Variants in TYW1B observed in about 807,000 individuals in gnomAD.
TYW1B encodes the protein tRNA-yW synthesizing protein 1 homolog B.
In TYW1B, 73 loss-of-function variants were observed where a neutral mutation model predicts 86.9. That is an observed-to-expected ratio of 0.84 (90% CI 0.70 to 1.02). The LOEUF is 1.02. Ranked by LOEUF, TYW1B falls within the 50% of genes least tolerant of loss-of-function variation. TYW1B has a pLI of 0.00. For missense variants in TYW1B, 637 were observed against 827.4 expected, an observed-to-expected ratio of 0.77 and a Z score of 2.82; for synonymous variants, 248 against 292.8, an observed-to-expected ratio of 0.85 and a Z score of 1.56.
intron 8 of TYW1B, among the ~76,000 whole-genome samples, chr7:72,732,340 T>C (rs1284026489): frequency 1.3e-5 from 2 of 152,182 alleles, no homozygotes; most frequent in African/African-American, 4.8e-5. Flanking sequence ...AATCTTCTTA[T>C]CCATACATAA....
chr7:72,619,647 CAAAAAAAAAA>C (rs34309451), intron 12 of TYW1B, among the ~76,000 whole-genome samples: 1 of 68,780 alleles, frequency 1.5e-5, no homozygotes, highest in East Asian at 3.0e-4. Flanking sequence ...GACTCCGTCT[CAAAAAAAAAA>C]AAAAAAAAAG....
chr7:72,818,825 T>C (rs1195391247), intron 2 of TYW1B, among the ~76,000 whole-genome samples: 3 of 151,878 alleles, frequency 2.0e-5, no homozygotes, highest in African/African-American at 7.3e-5. Context: ...CCAGATCTCA[T>C]GAGAACTCAC....
intron 11 of TYW1B, among the ~76,000 whole-genome samples, chr7:72,689,560 G>A (rs1353485269): frequency 6.6e-6 from 1 of 152,062 alleles, no homozygotes; most frequent in Non-Finnish European, 1.5e-5. Flanking sequence ...CCCTACTACT[G>A]GCCAACAAGC....
chr7:72,767,637 A>T (rs1299180220), intron 7 of TYW1B, among the ~76,000 whole-genome samples: 3 of 152,046 alleles, frequency 2.0e-5, no homozygotes, highest in African/African-American at 7.2e-5. Flanking sequence ...ATAAAAAAAT[A>T]AAAAAAACTT....
intron 6 of TYW1B, among the ~76,000 whole-genome samples, chr7:72,789,549 C>G (rs1231439844): frequency 6.6e-6 from 1 of 152,034 alleles, no homozygotes; most frequent in African/African-American, 2.4e-5. Flanking sequence ...AAGTAAGTAA[C>G]AAAATGCTAA....
chr7:72,597,468 A>T (rs1811563838), intron 13 of TYW1B, among the ~76,000 whole-genome samples: 1 of 152,208 alleles, frequency 6.6e-6, no homozygotes, highest in Admixed American at 6.5e-5. Context: ...CAATAAAAAT[A>T]AAAAGCATTC....
intron 11 of TYW1B, among the ~76,000 whole-genome samples, chr7:72,660,624 C>G (rs549471986): frequency 1.3e-5 from 2 of 152,244 alleles, no homozygotes; most frequent in Admixed American, 1.3e-4. Context: ...ATATATTCCT[C>G]TATGTATTTT....
intron 7 of TYW1B, among the ~76,000 whole-genome samples, chr7:72,766,627 A>C (rs1787775087): frequency 6.9e-6 from 1 of 144,556 alleles, no homozygotes; most frequent in African/African-American, 2.6e-5. Context: ...AAAAAAAAAA[A>C]AAAAAACATA....
chr7:72,698,178 G>A (rs1554451827), intron 10 of TYW1B, among the ~76,000 whole-genome samples: 1 of 152,160 alleles, frequency 6.6e-6, no homozygotes. Flanking sequence ...AAGAGAAGGA[G>A]AGAATTATTT....
chr7:72,689,278 G>A (rs1814082672), intron 11 of TYW1B, among the ~76,000 whole-genome samples: 1 of 152,106 alleles, frequency 6.6e-6, no homozygotes, highest in Non-Finnish European at 1.5e-5. Flanking sequence ...ATATTTCATC[G>A]ACTACAAGAA....
At chr7:72,600,650 G>A (rs2129568043) in intron 13 of TYW1B, among the ~76,000 whole-genome samples, 1 of 152,180 alleles carries the variant, frequency 6.6e-6, no homozygotes, top group Non-Finnish European at 1.5e-5. Context: ...CTTAAACTCG[G>A]CCATAAGAAA....
rs2960959 is a variant in TYW1B, at chr7:72,693,224, A to G, written c.1506+1463T>C. ...ATTAATGGAAAAGCAGAACCAGATG[A>G]TTACTTTAGGTGAAAAAGAAAAGGA... On this transcript the variant is annotated intron_variant, in intron 11 of 13. Coordinates refer to ENST00000620995, the MANE Select transcript of TYW1B (RefSeq NM_001145440.3). Among the ~76,000 whole-genome samples the G allele has an allele frequency of 4.7e-4, 72 of 152,130 alleles. 1 individual carries two copies. Among genetic ancestry groups the G allele is most frequent in the Non-Finnish European group, 7.4e-4 (50 of 67,998 alleles).
At chr7:72,724,196 G>C (rs1275459577) in intron 9 of TYW1B, among the ~76,000 whole-genome samples, 1 of 152,154 alleles carries the variant, frequency 6.6e-6, no homozygotes, top group Non-Finnish European at 1.5e-5. Flanking sequence ...TGAGAGCCAG[G>C]CACAGTGGCT....
At chr7:72,766,365 C>T (rs1787769092) in intron 7 of TYW1B, among the ~76,000 whole-genome samples, 2 of 151,904 alleles carry the variant, frequency 1.3e-5, no homozygotes, top group Non-Finnish European at 2.9e-5. Flanking sequence ...CCTATAATCC[C>T]ACCTTTGGGA....
At chr7:72,645,037 C>T (rs782646617) in intron 11 of TYW1B, among the ~76,000 whole-genome samples, 19 of 152,214 alleles carry the variant, frequency 1.2e-4, no homozygotes, top group Non-Finnish European at 2.4e-4. Flanking sequence ...CCGTGTTAGC[C>T]AGGATGGTCT....
chr7:72,730,451 G>A (rs1200290520), intron 8 of TYW1B, among the ~76,000 whole-genome samples: 1 of 145,014 alleles, frequency 6.9e-6, no homozygotes, highest in Middle Eastern at 3.4e-3. Flanking sequence ...ACAACTGAGA[G>A]TTTCAACAAC....
At position 72,632,335 on chromosome 7, in the gene TYW1B, AC is replaced by A. The variant is rs1563038513; in HGVS notation, c.1507-3339del. On this transcript the variant is annotated intron_variant, in intron 11 of 13. Coordinates refer to ENST00000620995, the MANE Select transcript of TYW1B (RefSeq NM_001145440.3). ...TATTATATATATTATATATATATAC[AC>A]GTATATATATTATATATATTATATA... Among the ~76,000 whole-genome samples the A allele has an allele frequency of 1.8e-3, 139 of 78,850 alleles. 7 individuals carry two copies. Among genetic ancestry groups the A allele is most frequent in the African/African-American group, 9.6e-3 (133 of 13,880 alleles). The allele number at this position is 78,850 out of a possible 152,430, so 51.7% of individuals were successfully genotyped here.
At chr7:72,645,545 C>T (rs1229836640) in intron 11 of TYW1B, among the ~76,000 whole-genome samples, 3 of 152,040 alleles carry the variant, frequency 2.0e-5, no homozygotes, top group Admixed American at 1.3e-4. Flanking sequence ...GTGAATATCC[C>T]TCAATAGTGG....
At chr7:72,639,869 A>C (rs1554441281) in intron 11 of TYW1B, among the ~76,000 whole-genome samples, 2 of 151,494 alleles carry the variant, frequency 1.3e-5, no homozygotes, top group Non-Finnish European at 2.9e-5. Flanking sequence ...CCATCTCAAA[A>C]AAAAAAAAAA....
Sources: allele counts gnomAD v4.1 joint callset (sites outside exome capture counted in the v4.1 genomes callset), GRCh38; gene constraint gnomAD v4.1.1; transcripts MANE v1.5; gene names NCBI Gene and HGNC (gene_info 2026-07-23, HGNC 2026-07-21).